Variants in LRRC4C observed in about 807,000 individuals in gnomAD.
The protein encoded by LRRC4C is leucine-rich repeat-containing protein 4C.
In LRRC4C, 5 loss-of-function variants were observed where a neutral mutation model predicts 33.6. That is an observed-to-expected ratio of 0.15 (90% CI 0.08 to 0.31). LRRC4C has a LOEUF of 0.31. Among genes scored for constraint, LRRC4C ranks in the 10% least tolerant of loss-of-function variants. LRRC4C has a pLI of 1.00. For synonymous variants in LRRC4C, 329 were observed against 302.0 expected (o/e 1.09, Z -0.93); for missense variants, 560 against 796.7 (o/e 0.70, Z 3.58).
chr11:40,894,978 T>C (rs1028145854), intron 2 of LRRC4C, among the ~76,000 whole-genome samples: 1 of 152,180 alleles, frequency 6.6e-6, no homozygotes, highest in Non-Finnish European at 1.5e-5. Flanking sequence ...AACTCATATC[T>C]CTCTTTTTTG....
chr11:40,495,813 G>GTTTTTTTTTTTTTTT lies in LRRC4C; in HGVS notation c.-270+152314_-270+152328dup, dbSNP rs77683172. 8.2e-4 allele frequency among the ~76,000 whole-genome samples: 55 copies of GTTTTTTTTTTTTTTT among 67,010 alleles called. 15 individuals carry two copies. The highest frequency in any genetic ancestry group is 1.4e-3 in the African/African-American group (22 of 15,812). The allele number at this position is 67,010 out of a possible 152,430, so 44.0% of individuals were successfully genotyped here. On this transcript the variant is annotated intron_variant, in intron 3 of 6. Coordinates refer to ENST00000528697, the MANE Select transcript of LRRC4C (RefSeq NM_001258419.2). ...TTTTATTGAAGTTCTCAATAAACAT[G>GTTTTTTTTTTTTTTT]TTTTTTTTTTTTTTTTTTTTTTTTT...
intron 1 of LRRC4C, among the ~76,000 whole-genome samples, chr11:41,025,562 G>A (rs1357525006): frequency 2.0e-5 from 3 of 151,586 alleles, no homozygotes; most frequent in Non-Finnish European, 4.4e-5. Flanking sequence ...AAAGCTTGAA[G>A]CTAGCGGAGG....
intron 2 of LRRC4C, among the ~76,000 whole-genome samples, chr11:40,865,099 A>G (rs184277386): frequency 6.3e-4 from 96 of 152,310 alleles, no homozygotes; most frequent in African/African-American, 2.3e-3. Context: ...TGCTAATTTC[A>G]TAAAAAAGGA....
At chr11:40,480,947 G>T (rs1468724487) in intron 3 of LRRC4C, among the ~76,000 whole-genome samples, 2 of 151,764 alleles carry the variant, frequency 1.3e-5, no homozygotes, top group Non-Finnish European at 2.9e-5. Context: ...GTGGGGAGAG[G>T]TTGTTTAAAG....
At chr11:40,152,817 G>A (rs1369383435) in intron 5 of LRRC4C, among the ~76,000 whole-genome samples, 6 of 152,194 alleles carry the variant, frequency 3.9e-5, no homozygotes, top group South Asian at 2.1e-4. Flanking sequence ...GCTCAGACAC[G>A]CCTGGTCCCA....
chr11:41,032,460 GT>G (rs200254971), intron 1 of LRRC4C, among the ~76,000 whole-genome samples: 2 of 151,030 alleles, frequency 1.3e-5, no homozygotes, highest in Non-Finnish European at 3.0e-5. Context: ...TGTGTGTGTG[GT>G]TTTTTTTTAG....
At chr11:40,183,641 A>C (rs12362407) in intron 5 of LRRC4C, among the ~76,000 whole-genome samples, 1 of 152,192 alleles carries the variant, frequency 6.6e-6, no homozygotes, top group African/African-American at 2.4e-5. Flanking sequence ...AAAACCAATC[A>C]GAAACTCTGT....
intron 3 of LRRC4C, among the ~76,000 whole-genome samples, chr11:40,575,523 A>T (rs1958157262): frequency 6.6e-6 from 1 of 152,196 alleles, no homozygotes; most frequent in Non-Finnish European, 1.5e-5. Flanking sequence ...GAAGGGTTCC[A>T]AGAATTATTT....
intron 1 of LRRC4C, among the ~76,000 whole-genome samples, chr11:41,262,461 C>T (rs151272506): frequency 4.3e-4 from 65 of 150,558 alleles, no homozygotes; most frequent in Middle Eastern, 3.5e-3. Flanking sequence ...AAACAGGGAA[C>T]GCTTCTACGT....
At chr11:40,671,784 C>T (rs1944133308) in intron 2 of LRRC4C, among the ~76,000 whole-genome samples, 1 of 151,908 alleles carries the variant, frequency 6.6e-6, no homozygotes, top group African/African-American at 2.4e-5. Flanking sequence ...ATCCATCCCT[C>T]TTTATAATTA....
intron 1 of LRRC4C, among the ~76,000 whole-genome samples, chr11:41,253,673 G>C (rs1031773341): frequency 3.9e-5 from 6 of 152,118 alleles, no homozygotes; most frequent in African/African-American, 1.4e-4. Flanking sequence ...TAAAATGAAA[G>C]TGTTAAGCTT....
intron 1 of LRRC4C, among the ~76,000 whole-genome samples, chr11:40,939,163 A>C (rs1958035122): frequency 6.6e-6 from 1 of 152,200 alleles, no homozygotes; most frequent in Non-Finnish European, 1.5e-5. Context: ...TGTAATACTA[A>C]ATGATGCTTT....
chr11:40,961,148 A>T (rs1343364958), intron 1 of LRRC4C, among the ~76,000 whole-genome samples: 1 of 151,762 alleles, frequency 6.6e-6, no homozygotes, highest in Non-Finnish European at 1.5e-5. Context: ...CAGCTGTATA[A>T]GTTATTACAA....
intron 2 of LRRC4C, among the ~76,000 whole-genome samples, chr11:40,880,502 G>T (rs1955112018): frequency 6.9e-6 from 1 of 144,218 alleles, no homozygotes. Flanking sequence ...TGGAAATCTG[G>T]TGACTCCTAC....
chr11:41,360,962 T>C (rs1280523363), intron 1 of LRRC4C, among the ~76,000 whole-genome samples: 1 of 152,234 alleles, frequency 6.6e-6, no homozygotes. Context: ...CATCATGGCA[T>C]TAATAAGTTG....
intron 2 of LRRC4C, among the ~76,000 whole-genome samples, chr11:40,703,204 C>A (rs1314558918): frequency 6.6e-6 from 1 of 151,954 alleles, no homozygotes; most frequent in African/African-American, 2.4e-5. Flanking sequence ...AAATATCCTA[C>A]AATGCCCAAG....
At chr11:40,584,415 G>A (rs971542876) in intron 3 of LRRC4C, among the ~76,000 whole-genome samples, 1 of 151,672 alleles carries the variant, frequency 6.6e-6, no homozygotes, top group Admixed American at 6.6e-5. Flanking sequence ...CTACTAGCTT[G>A]ATGACAGTAT....
At chr11:41,433,846 T>A (rs1199290351) in intron 1 of LRRC4C, among the ~76,000 whole-genome samples, 1 of 151,588 alleles carries the variant, frequency 6.6e-6, no homozygotes, top group African/African-American at 2.4e-5. Context: ...CGTATATATA[T>A]AATATATATC....
At position 40,549,351 on chromosome 11, in the gene LRRC4C, CA is replaced by C. The variant is rs570530367; in HGVS notation, c.-270+98790del. ...ACTAGATTTAAGACAACCAGGAGCG[CA>C]GACAGAGCGAACACTTACCTCTTCC... On this transcript the variant is annotated intron_variant, in intron 3 of 6. Coordinates refer to ENST00000528697, the MANE Select transcript of LRRC4C (RefSeq NM_001258419.2). 4.2e-4 allele frequency among the ~76,000 whole-genome samples: 64 copies of C among 152,218 alleles called. 2 individuals carry two copies. In the East Asian group the frequency reaches 0.012, roughly 28 times the overall value.
Sources: allele counts gnomAD v4.1 joint callset (sites outside exome capture counted in the v4.1 genomes callset), GRCh38; gene constraint gnomAD v4.1.1; transcripts MANE v1.5; gene names NCBI Gene and HGNC (gene_info 2026-07-23, HGNC 2026-07-21).